PDE10A: variants seen among roughly 807,000 people sequenced by gnomAD.
The protein encoded by PDE10A is cAMP and cAMP-inhibited cGMP 3',5'-cyclic phosphodiesterase 10A.
In PDE10A, 39 loss-of-function variants were observed where a neutral mutation model predicts 97.7. The observed-to-expected ratio is 0.40, with a 90% CI of 0.31 to 0.52. The LOEUF is 0.52. Among genes scored for constraint, PDE10A ranks in the 20% least tolerant of loss-of-function variants. PDE10A has a pLI of 0.56. For synonymous variants in PDE10A, 371 were observed against 376.8 expected (o/e 0.98, Z 0.18); for missense variants, 731 against 1,047.8 (o/e 0.70, Z 4.17).
chr6:165,499,224 C>G (rs1230217445), intron 2 of PDE10A, among the ~76,000 whole-genome samples: 1 of 152,132 alleles, frequency 6.6e-6, no homozygotes, highest in African/African-American at 2.4e-5. Context: ...ACCAGGGGAC[C>G]AGCAGCAGAG....
At chr6:165,783,036 C>G (rs939610967) in intron 1 of PDE10A, among the ~76,000 whole-genome samples, 11 of 152,150 alleles carry the variant, frequency 7.2e-5, no homozygotes, top group African/African-American at 2.7e-4. Flanking sequence ...CTTATAAATT[C>G]ATGAGTATGT....
chr6:165,332,934 T>C lies in PDE10A; in HGVS notation c.*91A>G. 1 of 725,342 alleles carries C rather than the reference T, an allele frequency of 1.4e-6. No individual in the cohort carries two copies. The highest frequency in any genetic ancestry group is 2.5e-6 in the Non-Finnish European group (1 of 404,864). The allele number at this position is 725,342 out of a possible 1,614,324, so 44.9% of individuals were successfully genotyped here. A position where few individuals can be genotyped will look rare whatever the true frequency, so the allele number is the denominator to read the frequency against. ...TTGCACCCCAGTTACCAGGTGCAGG[T>C]TCCCCCCACCCCCCCCAAAAAAAGG... On this transcript the variant is annotated 3_prime_UTR_variant, in exon 22 of 22. Transcript: ENST00000539869.
intron 1 of PDE10A, among the ~76,000 whole-genome samples, chr6:165,884,789 A>G (rs1230308337): frequency 6.6e-6 from 1 of 152,222 alleles, no homozygotes; most frequent in African/African-American, 2.4e-5. Context: ...GGGTCAGATT[A>G]ATTGAACACT....
At chr6:165,864,770 G>A (rs1780994628) in intron 1 of PDE10A, among the ~76,000 whole-genome samples, 1 of 152,104 alleles carries the variant, frequency 6.6e-6, no homozygotes, top group Non-Finnish European at 1.5e-5. Flanking sequence ...CCCAAATAGG[G>A]AAATAGTTAA....
chr6:165,982,374 T>A (rs1010648174), intron 1 of PDE10A, among the ~76,000 whole-genome samples: 3 of 152,196 alleles, frequency 2.0e-5, no homozygotes, highest in African/African-American at 7.2e-5. Context: ...AAAACACTCA[T>A]GAGATTAATT....
chr6:165,379,322 A>C lies in PDE10A; in HGVS notation c.2655T>G (p.Tyr885Ter). Residue 885 changes from tyrosine (Y) to a stop codon, truncating the protein, a stop_gained, in exon 18 of 22, where the codon TAT (tyrosine) becomes TAG (stop). Coordinates refer to ENST00000539869, the MANE Select transcript of PDE10A (RefSeq NM_001385079.1). LOFTEE classifies it high-confidence loss of function. The part of the protein sequence containing the change: ...NIFSTLSSSE[Y>*]EQVLEIIRKA... ...TGCGGATGATCTCAAGCACCTGCTCATATTCACTGGAGCTCAGAGTGGAGA... is the reference window on the plus strand; with the variant it reads ...TGCGGATGATCTCAAGCACCTGCTCCTATTCACTGGAGCTCAGAGTGGAGA... The C allele has an allele frequency of 1.2e-6, 2 of 1,613,906 alleles. No homozygotes were observed. Among genetic ancestry groups the C allele is most frequent in the Non-Finnish European group, 1.7e-6 (2 of 1,179,860 alleles).
At chr6:165,657,682 G>A (rs1470516045) in intron 1 of PDE10A, among the ~76,000 whole-genome samples, 1 of 152,180 alleles carries the variant, frequency 6.6e-6, no homozygotes, top group Non-Finnish European at 1.5e-5. Flanking sequence ...ATCTTCTAAT[G>A]TTTCTTCTGC....
At chr6:165,694,994 A>T (rs904702222) in intron 1 of PDE10A, among the ~76,000 whole-genome samples, 5 of 152,234 alleles carry the variant, frequency 3.3e-5, no homozygotes, top group African/African-American at 1.2e-4. Context: ...TGTGAAAATG[A>T]AGTCAATGGA....
chr6:165,465,218 A>G (rs778685336), intron 3 of PDE10A, among the ~76,000 whole-genome samples: 56 of 152,240 alleles, frequency 3.7e-4, no homozygotes, highest in Non-Finnish European at 1.3e-4. Context: ...CCATTCTGTA[A>G]TGAGCAACTA....
At chr6:165,929,839 C>G (rs535137903) in intron 1 of PDE10A, among the ~76,000 whole-genome samples, 10 of 152,278 alleles carry the variant, frequency 6.6e-5, no homozygotes, top group African/African-American at 2.4e-4. Flanking sequence ...CCCTAATGAC[C>G]AGGCAACATC....
intron 1 of PDE10A, among the ~76,000 whole-genome samples, chr6:165,882,211 C>T (rs1273677322): frequency 6.6e-6 from 1 of 152,206 alleles, no homozygotes; most frequent in Admixed American, 6.5e-5. Flanking sequence ...GGTCGCATGA[C>T]CCATCTCTCA....
chr6:165,739,444 G>GA (rs1444096432), intron 1 of PDE10A, among the ~76,000 whole-genome samples: 1 of 152,174 alleles, frequency 6.6e-6, no homozygotes, highest in African/African-American at 2.4e-5. Context: ...ACAGCCAAAA[G>GA]AATGAAATTG....
At chr6:165,872,050 T>C (rs1442892518) in intron 1 of PDE10A, among the ~76,000 whole-genome samples, 1 of 152,200 alleles carries the variant, frequency 6.6e-6, no homozygotes, top group African/African-American at 2.4e-5. Context: ...AGGGACTCGC[T>C]GTGTTCAATT....
chr6:165,550,529 T>C lies in PDE10A; in HGVS notation c.866-6961A>G, dbSNP rs535657509. Among the ~76,000 whole-genome samples the C allele has an allele frequency of 1.3e-3, 204 of 152,286 alleles. 1 individual carries two copies. The highest frequency in any genetic ancestry group is 4.7e-3 in the African/African-American group (197 of 41,570). On this transcript the variant is annotated intron_variant, in intron 1 of 21. Coordinates refer to ENST00000539869, the MANE Select transcript of PDE10A (RefSeq NM_001385079.1). Reference sequence around the variant, plus strand: ...TGAACTGTGAGGGGGCTGTAATGCATGTCATATGAGGAATGGGTGAATGAG... The same window carrying C: ...TGAACTGTGAGGGGGCTGTAATGCACGTCATATGAGGAATGGGTGAATGAG...
intron 2 of PDE10A, among the ~76,000 whole-genome samples, chr6:165,518,242 G>C (rs186969974): frequency 9.2e-5 from 14 of 152,258 alleles, no homozygotes; most frequent in African/African-American, 3.1e-4. Flanking sequence ...AACATGAGTA[G>C]GTAGGGTCAA....
intron 1 of PDE10A, among the ~76,000 whole-genome samples, chr6:165,682,897 G>A (rs1791014698): frequency 6.6e-6 from 1 of 152,152 alleles, no homozygotes; most frequent in African/African-American, 2.4e-5. Context: ...TCAGGTCTGG[G>A]TTAGGTACCC....
intron 1 of PDE10A, among the ~76,000 whole-genome samples, chr6:165,616,479 A>T (rs1360341029): frequency 2.6e-5 from 4 of 152,104 alleles, no homozygotes; most frequent in Admixed American, 6.5e-5. Flanking sequence ...CGTTTTTTTT[A>T]GGCCTACAGC....
At chr6:165,390,107 G>A (rs1785586040) in intron 16 of PDE10A, among the ~76,000 whole-genome samples, 1 of 152,114 alleles carries the variant, frequency 6.6e-6, no homozygotes. Flanking sequence ...AGGGGGAACA[G>A]ACTGCATGGT....
intron 1 of PDE10A, among the ~76,000 whole-genome samples, chr6:165,943,234 AGAAGGAAGGAAG>A (rs1192602938): frequency 5.9e-5 from 2 of 34,034 alleles, no homozygotes; most frequent in African/African-American, 1.3e-4. Flanking sequence ...AAAGAAAGAA[AGAAGGAAGGAAG>A]GAAGGAAGGA....
Sources: allele counts gnomAD v4.1 joint callset (sites outside exome capture counted in the v4.1 genomes callset), GRCh38; gene constraint gnomAD v4.1.1; transcripts MANE v1.5; gene names NCBI Gene and HGNC (gene_info 2026-07-23, HGNC 2026-07-21).